Variants in KLHDC4 observed in about 807,000 individuals in gnomAD.
KLHDC4 encodes the protein kelch domain containing 4.
In KLHDC4, 90 loss-of-function variants were observed where a neutral mutation model predicts 62.4. That is an observed-to-expected ratio of 1.44 (90% CI 1.22 to 1.72). The LOEUF (loss-of-function observed/expected upper bound fraction) is 1.72. KLHDC4 is among the 40% of genes most tolerant of loss of function. The probability of loss-of-function intolerance (pLI) is 0.00; values close to 1 mark genes in which losing one functional copy is unlikely to be tolerated. For synonymous variants in KLHDC4, 386 were observed against 284.4 expected, an observed-to-expected ratio of 1.36 and a Z score of -3.59; for missense variants, 1,025 against 699.7, an observed-to-expected ratio of 1.47 and a Z score of -5.25.
downstream of KLHDC4, among the ~76,000 whole-genome samples, chr16:87,707,248 G>A (rs1031807716): frequency 3.3e-5 from 5 of 152,250 alleles, no homozygotes; most frequent in African/African-American, 1.2e-4. Context: ...GAAGCCAGGA[G>A]GAGCTGGATG....
At chr16:87,698,542 G>C (rs2142865681) in exon 1 of KLHDC4, 1 of 152,368 alleles carries the variant, frequency 6.6e-6, no homozygotes, top group East Asian at 1.9e-4. Flanking sequence ...AGAGATCTAG[G>C]CCTAGGGGCA....
intron 4 of KLHDC4, among the ~76,000 whole-genome samples, chr16:87,753,230 C>G (rs2044303017): frequency 6.6e-6 from 1 of 152,228 alleles, no homozygotes; most frequent in Non-Finnish European, 1.5e-5. Context: ...AAACTGCACC[C>G]TGGGAGGGTG....
At chr16:87,708,581 T>C (rs915253479) in intron 10 of KLHDC4, 115 bp from the exon 11 acceptor site, 34 of 607,506 alleles carry the variant, frequency 5.6e-5, no homozygotes, top group Non-Finnish European at 1.0e-5. Flanking sequence ...AGAACCATAA[T>C]GTGAAACCTA....
At chr16:87,751,171 A>G (rs141653581) in intron 4 of KLHDC4, among the ~76,000 whole-genome samples, 10 of 152,364 alleles carry the variant, frequency 6.6e-5, no homozygotes, top group African/African-American at 2.4e-4. Context: ...TTAGCGTGAA[A>G]TAGATGCATA....
At chr16:87,718,446 T>C (rs976439455) in intron 7 of KLHDC4, among the ~76,000 whole-genome samples, 20 of 149,982 alleles carry the variant, frequency 1.3e-4, no homozygotes, top group Admixed American at 6.0e-4. Flanking sequence ...ACTGCCGCCA[T>C]CTCGGCTCAC....
chr16:87,702,339 G>A (rs750921543), exon 1 of KLHDC4: 2 of 454,142 alleles, frequency 4.4e-6, no homozygotes, highest in East Asian at 7.0e-5. Flanking sequence ...GCTGAGAGAG[G>A]AAGATGGGTG....
At chr16:87,719,906 G>A (rs55896004) in intron 7 of KLHDC4, among the ~76,000 whole-genome samples, 11,340 of 152,224 alleles carry the variant, frequency 0.074, 583 homozygotes, top group Non-Finnish European at 0.11. Flanking sequence ...GTTTGGAGGC[G>A]CATCGGCCGC....
intron 4 of KLHDC4, among the ~76,000 whole-genome samples, chr16:87,752,085 G>A (rs1257538276): frequency 2.2e-4 from 4 of 18,302 alleles, no homozygotes; most frequent in Middle Eastern, 0.033. Flanking sequence ...GTGAGACTTT[G>A]TCTCAAAAAA....
intron 4 of KLHDC4, among the ~76,000 whole-genome samples, chr16:87,753,808 A>C (rs989887912): frequency 3.1e-5 from 2 of 64,930 alleles, no homozygotes; most frequent in Admixed American, 1.9e-4. Flanking sequence ...TCTCAAGGAG[A>C]AAAAAAAAAA....
chr16:87,753,795 C>T (rs2044405480), intron 4 of KLHDC4, among the ~76,000 whole-genome samples: 1 of 143,948 alleles, frequency 6.9e-6, no homozygotes, highest in African/African-American at 2.6e-5. Context: ...GAGAGAGACT[C>T]CATCTCAAGG....
downstream of KLHDC4, among the ~76,000 whole-genome samples, chr16:87,705,352 T>TG (rs2034540622): frequency 6.6e-6 from 1 of 152,220 alleles, no homozygotes; most frequent in African/African-American, 2.4e-5. Context: ...CACCACCCTG[T>TG]GTTGTGTTCC....
chr16:87,730,544 G>A lies in KLHDC4; in HGVS notation c.599+8C>T. On this transcript the variant is annotated splice_region_variant and intron_variant, in intron 6 of 11. Transcript: ENST00000270583. ...GGAGAGAAAGATTTTTCCGTTCTTGGTACCAACCGTGTACTTTCATGGAAG... is the reference window on the plus strand; with the variant it reads ...GGAGAGAAAGATTTTTCCGTTCTTGATACCAACCGTGTACTTTCATGGAAG... 6.2e-7 allele frequency: 1 copy of A among 1,602,412 alleles called. No homozygotes were observed. Among genetic ancestry groups the A allele is most frequent in the Non-Finnish European group, 8.5e-7 (1 of 1,175,944 alleles).
At chr16:87,708,103 G>A (rs962733507) in intron 11 of KLHDC4, 28 bp from the exon 12 acceptor site, 84 of 641,830 alleles carry the variant, frequency 1.3e-4, no homozygotes, top group African/African-American at 1.3e-3. Flanking sequence ...AGGAATGAGA[G>A]AGAAACACAT....
intron 2 of KLHDC4, among the ~76,000 whole-genome samples, chr16:87,760,644 A>T (rs2045740579): frequency 6.6e-6 from 1 of 151,254 alleles, no homozygotes; most frequent in East Asian, 2.0e-4. Context: ...CAAAAAAAAT[A>T]AAACTAATCC....
chr16:87,737,770 C>T (rs62055586), intron 5 of KLHDC4, among the ~76,000 whole-genome samples: 26,557 of 151,748 alleles, frequency 0.18, 2,355 homozygotes, highest in South Asian at 0.22. Flanking sequence ...TTCTGTATTT[C>T]TGTAGAGATG....
At chr16:87,717,572 T>C (rs1232379081) in intron 7 of KLHDC4, among the ~76,000 whole-genome samples, 1 of 152,194 alleles carries the variant, frequency 6.6e-6, no homozygotes, top group Non-Finnish European at 1.5e-5. Flanking sequence ...GAAACATCTG[T>C]GCAATTCCAG....
chr16:87,759,051 T>C (rs1007959899), intron 2 of KLHDC4, among the ~76,000 whole-genome samples: 3 of 152,154 alleles, frequency 2.0e-5, no homozygotes, highest in Non-Finnish European at 4.4e-5. Context: ...GGCGCATGCC[T>C]GTAATCCCAG....
At position 87,723,007 on chromosome 16, in the gene KLHDC4, G is replaced by A. The variant is rs117307154; in HGVS notation, c.759+3758C>T. 2.3e-3 allele frequency among the ~76,000 whole-genome samples: 358 copies of A among 152,364 alleles called. 7 individuals carry two copies. The East Asian group carries it at 0.052, about 22-fold the overall frequency. On this transcript the variant is annotated intron_variant, in intron 7 of 11. Transcript: ENST00000270583. ...TGTGGGGTCTTCTCTGGCCTGGGCC[G>A]CGCAGCAGCACAGCACAGCTGGGTC...
intron 2 of KLHDC4, among the ~76,000 whole-genome samples, chr16:87,758,572 G>T (rs558258514): frequency 3.9e-5 from 6 of 152,156 alleles, no homozygotes; most frequent in Non-Finnish European, 8.8e-5. Context: ...AACCATTGAA[G>T]GGTCTAGACA....
Sources: allele counts gnomAD v4.1 joint callset (sites outside exome capture counted in the v4.1 genomes callset), GRCh38; gene constraint gnomAD v4.1.1; transcripts MANE v1.5; gene names NCBI Gene and HGNC (gene_info 2026-07-23, HGNC 2026-07-21).